The following RNF180 variants were observed in gnomAD, a reference collection of about 807,000 sequenced individuals.
RNF180 encodes ring finger protein 180.
A neutral mutation model predicts 59.2 loss-of-function variants in RNF180; 38 were observed. That is an observed-to-expected ratio of 0.64 (90% CI 0.50 to 0.84). The LOEUF (loss-of-function observed/expected upper bound fraction) is 0.84, where lower values mean the gene tolerates loss of function less well. Among genes scored for constraint, RNF180 ranks in the 40% least tolerant of loss-of-function variants. The pLI is 0.00. For synonymous variants in RNF180, 262 were observed against 240.3 expected, an observed-to-expected ratio of 1.09 and a Z score of -0.84; for missense variants, 705 against 700.9, an observed-to-expected ratio of 1.01 and a Z score of -0.07.
intron 5 of RNF180, among the ~76,000 whole-genome samples, chr5:64,321,065 G>C (rs1474067934): frequency 6.6e-6 from 1 of 151,904 alleles, no homozygotes; most frequent in Non-Finnish European, 1.5e-5. Context: ...GAAAAATTAT[G>C]AATGGGCAAA....
Position 64,325,239 on chromosome 5 carries a change from G to A in RNF180, c.1281G>A (p.Lys427=), listed in dbSNP as rs111583002. ...TDEDNEYAEE[K]DSYICAVCLD... is the part of the protein sequence containing the mutation. Reference sequence around the variant, plus strand: ...AAGACAATGAATATGCAGAAGAAAAGGATAGCTACATCTGTGCAGTGTGTC... The same window carrying A: ...AAGACAATGAATATGCAGAAGAAAAAGATAGCTACATCTGTGCAGTGTGTC... Residue 427 remains lysine (K), a synonymous_variant, in exon 6 of 8, where the codon AAG becomes AAA. Transcript: ENST00000389100. The A allele has an allele frequency of 0.011, 17,149 of 1,551,428 alleles. 128 individuals are homozygous for A. Among genetic ancestry groups the A allele is most frequent in the Non-Finnish European group, 0.013 (14,787 of 1,146,696 alleles).
At chr5:64,347,944 A>G (rs1745619508) in intron 7 of RNF180, among the ~76,000 whole-genome samples, 1 of 152,134 alleles carries the variant, frequency 6.6e-6, no homozygotes, top group African/African-American at 2.4e-5. Context: ...ACATTGTAAT[A>G]ATTCAAGATT....
intron 5 of RNF180, among the ~76,000 whole-genome samples, chr5:64,256,884 G>A (rs1344341598): frequency 6.6e-6 from 1 of 152,174 alleles, no homozygotes; most frequent in African/African-American, 2.4e-5. Flanking sequence ...TCGTTGAGCA[G>A]TGGTTTGTAG....
chr5:64,253,987 AG>A (rs1019171455), intron 5 of RNF180, among the ~76,000 whole-genome samples: 3 of 152,150 alleles, frequency 2.0e-5, no homozygotes, highest in African/African-American at 7.2e-5. Context: ...TTACCACTAA[AG>A]GGTGGACCCT....
rs142752888 is a variant in RNF180 at position 64,354,218 on chromosome 5, A to G, written c.1580-15397A>G. ...CAAAGAACTGGGCAAGCTTTTACCT[A>G]CACTGACAAAGATAAAAGAGAGAGG... On this transcript the variant is annotated intron_variant, in intron 7 of 7. Coordinates refer to ENST00000389100, the MANE Select transcript of RNF180 (RefSeq NM_001113561.2). Among the ~76,000 whole-genome samples the G allele has an allele frequency of 3.5e-3, 531 of 151,912 alleles. 7 individuals carry two copies. Among genetic ancestry groups the G allele is most frequent in the African/African-American group, 0.012 (487 of 41,558 alleles).
chr5:64,349,771 C>T (rs373826459), intron 7 of RNF180, among the ~76,000 whole-genome samples: 1 of 152,046 alleles, frequency 6.6e-6, no homozygotes, highest in Admixed American at 6.6e-5. Context: ...GTGAACTCAT[C>T]CTTTTTTATG....
chr5:64,346,385 T>TC (rs1745559740), intron 7 of RNF180, among the ~76,000 whole-genome samples: 2 of 143,460 alleles, frequency 1.4e-5, no homozygotes, highest in African/African-American at 2.6e-5. Context: ...TTTTTTTTTT[T>TC]TCTGAGAGAG....
intron 5 of RNF180, among the ~76,000 whole-genome samples, chr5:64,307,492 G>A (rs1326646125): frequency 6.6e-6 from 1 of 151,600 alleles, no homozygotes; most frequent in Non-Finnish European, 1.5e-5. Flanking sequence ...GACTTAAAAA[G>A]CTAAGTATGA....
chr5:64,274,615 T>C lies in RNF180; in HGVS notation c.1228-50571T>C, dbSNP rs186347553. ...AAAGACTTGTTTTAATGTTATTTTC[T>C]CTGTTCAGGGTTTCCAAGCTCCTTG... On this transcript the variant is annotated intron_variant, in intron 5 of 7. Transcript: ENST00000389100. Among the ~76,000 whole-genome samples the C allele has an allele frequency of 2.4e-3, 371 of 152,184 alleles. 8 individuals carry two copies. Among genetic ancestry groups the C allele is most frequent in the Non-Finnish European group, 7.5e-4 (51 of 67,970 alleles).
At chr5:64,274,708 C>T (rs1342341068) in intron 5 of RNF180, among the ~76,000 whole-genome samples, 1 of 152,022 alleles carries the variant, frequency 6.6e-6, no homozygotes. Context: ...CCTGGTGACT[C>T]TCTTTCTATC....
chr5:64,323,494 C>T (rs1312373613), intron 5 of RNF180, among the ~76,000 whole-genome samples: 2 of 152,126 alleles, frequency 1.3e-5, no homozygotes, highest in Non-Finnish European at 2.9e-5. Flanking sequence ...GCAGAGATCA[C>T]ACCACTGTAC....
At chr5:64,197,184 T>C (rs1168372698) in intron 1 of RNF180, among the ~76,000 whole-genome samples, 1 of 152,196 alleles carries the variant, frequency 6.6e-6, no homozygotes, top group Non-Finnish European at 1.5e-5. Context: ...CTTGGTATTA[T>C]AAAAAATTTC....
chr5:64,305,430 G>T (rs182410616), intron 5 of RNF180, among the ~76,000 whole-genome samples: 1 of 149,530 alleles, frequency 6.7e-6, no homozygotes. Context: ...TCTTTTTCTT[G>T]TTGTACCATA....
intron 5 of RNF180, among the ~76,000 whole-genome samples, chr5:64,275,168 G>T (rs1036796763): frequency 6.6e-6 from 1 of 151,470 alleles, no homozygotes. Flanking sequence ...TAACATACAT[G>T]TCTGTATATT....
chr5:64,331,763 C>T (rs187019700), intron 7 of RNF180, among the ~76,000 whole-genome samples: 8 of 152,248 alleles, frequency 5.3e-5, no homozygotes, highest in Admixed American at 2.6e-4. Context: ...GCCCCATGCT[C>T]GCCACATTGA....
intron 5 of RNF180, among the ~76,000 whole-genome samples, chr5:64,287,710 G>A (rs756738137): frequency 1.1e-4 from 17 of 152,006 alleles, no homozygotes; most frequent in Non-Finnish European, 2.9e-5. Flanking sequence ...TGTTGGCCAC[G>A]TGAATGTCTT....
chr5:64,259,307 G>T (rs552874734), intron 5 of RNF180, among the ~76,000 whole-genome samples: 12 of 152,134 alleles, frequency 7.9e-5, no homozygotes, highest in African/African-American at 7.2e-5. Context: ...AAGGGTTTTG[G>T]GGGGAACAGT....
At chr5:64,322,658 C>G (rs1157532597) in intron 5 of RNF180, among the ~76,000 whole-genome samples, 1 of 144,556 alleles carries the variant, frequency 6.9e-6, no homozygotes, top group African/African-American at 2.5e-5. Flanking sequence ...TACCATTCAG[C>G]CAATAAAAGG....
intron 7 of RNF180, among the ~76,000 whole-genome samples, chr5:64,364,580 T>A (rs1746376771): frequency 6.6e-6 from 1 of 151,738 alleles, no homozygotes; most frequent in Non-Finnish European, 1.5e-5. Flanking sequence ...CAGGATGATG[T>A]TGGCCTCATA....
Sources: allele counts gnomAD v4.1 joint callset (sites outside exome capture counted in the v4.1 genomes callset), GRCh38; gene constraint gnomAD v4.1.1; transcripts MANE v1.5; gene names NCBI Gene and HGNC (gene_info 2026-07-23, HGNC 2026-07-21).